SETD2: variants seen among roughly 807,000 people sequenced by gnomAD.
SETD2 encodes SET domain containing 2, histone lysine methyltransferase.
SETD2 carries 31 observed loss-of-function variants against 242.1 expected under a neutral mutation model. The ratio of observed to expected loss-of-function variants is 0.13; its 90% CI spans 0.10 to 0.17. The LOEUF is 0.17. Ranked by LOEUF, SETD2 falls within the 10% of genes least tolerant of loss-of-function variation. The pLI is 1.00. For synonymous variants in SETD2, 1,006 were observed against 1,066.5 expected (o/e 0.94, Z 1.11); for missense variants, 2,481 against 3,046.3 (o/e 0.81, Z 4.37).
intron 1 of SETD2, among the ~76,000 whole-genome samples, chr3:47,127,235 A>G (rs1181256160): frequency 2.6e-5 from 4 of 151,656 alleles, no homozygotes; most frequent in Admixed American, 2.6e-4. Context: ...GCGTGCACTT[A>G]TAGTCCCAGC....
chr3:47,151,074 T>C (rs1442989039), intron 1 of SETD2, among the ~76,000 whole-genome samples: 1 of 152,130 alleles, frequency 6.6e-6, no homozygotes, highest in Non-Finnish European at 1.5e-5. Context: ...TGTACTACCA[T>C]GTACCCAACT....
chr3:47,056,133 T>TATTTATTTA (rs1553683691), intron 15 of SETD2, among the ~76,000 whole-genome samples: 1 of 138,192 alleles, frequency 7.2e-6, no homozygotes, highest in African/African-American at 2.5e-5. Flanking sequence ...TTTATTTATT[T>TATTTATTTA]ATTTATTTTG....
intron 1 of SETD2, among the ~76,000 whole-genome samples, chr3:47,155,839 T>A (rs1374199275): frequency 6.6e-6 from 1 of 151,764 alleles, no homozygotes. Flanking sequence ...TTTGTTTTTG[T>A]TGTTTTTTTT....
chr3:47,065,002 T>G lies in SETD2; in HGVS notation c.6109+2068A>C, dbSNP rs376566828. 9.9e-5 allele frequency among the ~76,000 whole-genome samples: 15 copies of G among 152,200 alleles called. No homozygotes were observed. The East Asian group carries it at 2.1e-3, about 22-fold the overall frequency. ...ATGCAAAATATTTCTCCACAATAAT[T>G]TGCAAATATCTAGCCACACCAGACT... On this transcript the variant is annotated intron_variant, in intron 13 of 20. Transcript: ENST00000409792.
chr3:47,156,379 T>C (rs2044128212), intron 1 of SETD2, among the ~76,000 whole-genome samples: 1 of 152,214 alleles, frequency 6.6e-6, no homozygotes. Context: ...GTATGACTGA[T>C]AGATAATCTT....
intron 14 of SETD2, among the ~76,000 whole-genome samples, chr3:47,059,448 C>T (rs2040240857): frequency 6.8e-6 from 1 of 147,372 alleles, no homozygotes; most frequent in Admixed American, 6.8e-5. Flanking sequence ...GAGACGGAGT[C>T]TTGCTCTGTC....
In SETD2 at chr3:47,123,439, C is replaced by T. The variant is rs2106703853; in HGVS notation, c.1197G>A (p.Glu399=). ...YVSSRCRSER[E]RRRSRSHSRS... Reference sequence around the variant, plus strand: ...TAGAGTGAGATCTGCTCCGCCGTCGCTCTCTTTCTGATCTACATCGGGAAG... The same window carrying T: ...TAGAGTGAGATCTGCTCCGCCGTCGTTCTCTTTCTGATCTACATCGGGAAG... Residue 399 remains glutamate (E), a synonymous_variant, in exon 3 of 21, where the codon GAG becomes GAA. Coordinates refer to ENST00000409792, the MANE Select transcript of SETD2 (RefSeq NM_014159.7). 2.6e-6 allele frequency: 4 copies of T among 1,551,588 alleles called. No individual in the cohort carries two copies. Among genetic ancestry groups the T allele is most frequent in the Non-Finnish European group, 3.5e-6 (4 of 1,146,960 alleles).
chr3:47,111,382 T>C (rs978563880), intron 5 of SETD2, among the ~76,000 whole-genome samples: 5 of 148,866 alleles, frequency 3.4e-5, no homozygotes, highest in African/African-American at 1.2e-4. Flanking sequence ...CTAGGCAACA[T>C]AGTGAGGACC....
Position 47,017,796 on chromosome 3 carries a change from G to T in SETD2, c.7432-57C>A. 1 of 1,190,698 alleles carries T rather than the reference G, an allele frequency of 8.4e-7. No individual in the cohort carries two copies. Among genetic ancestry groups the T allele is most frequent in the Non-Finnish European group, 1.3e-6 (1 of 794,592 alleles). 73.8% of individuals were successfully genotyped at this position (1,190,698 alleles called of 1,614,324 possible). A position where few individuals can be genotyped will look rare whatever the true frequency, so the allele number is the denominator to read the frequency against. On this transcript the variant is annotated intron_variant, in intron 19 of 20. Transcript: ENST00000409792. The surrounding 1 kb of genome is among the most constrained non-coding windows in gnomAD (Gnocchi z 4.8). ...AACAGTCCAGAGAGGGCAAGGAGTTGTACTGAGGAAATAACTAGAAAAGGT... is the reference window on the plus strand; with the variant it reads ...AACAGTCCAGAGAGGGCAAGGAGTTTTACTGAGGAAATAACTAGAAAAGGT...
intron 12 of SETD2, among the ~76,000 whole-genome samples, chr3:47,069,860 AAAGT>A (rs1362504112): frequency 1.3e-5 from 2 of 152,208 alleles, no homozygotes; most frequent in Non-Finnish European, 2.9e-5. Flanking sequence ...TAGACAGGAA[AAAGT>A]AAGAACGCCA....
chr3:47,095,391 C>T (rs2107667775), intron 9 of SETD2, among the ~76,000 whole-genome samples: 1 of 152,334 alleles, frequency 6.6e-6, no homozygotes, highest in African/African-American at 2.4e-5. Flanking sequence ...GCCTCAGCCT[C>T]CCAAAGGGCT....
intron 8 of SETD2, among the ~76,000 whole-genome samples, chr3:47,099,417 G>A (rs1027863649): frequency 6.6e-6 from 1 of 152,104 alleles, no homozygotes; most frequent in Non-Finnish European, 1.5e-5. Context: ...TAATCAGAAA[G>A]TATCTTGCAT....
intron 18 of SETD2, among the ~76,000 whole-genome samples, chr3:47,030,536 T>G (rs180884129): frequency 7.9e-5 from 12 of 152,254 alleles, no homozygotes; most frequent in African/African-American, 2.6e-4. Flanking sequence ...ATTTCCATAT[T>G]TGATGAAAAC....
intron 1 of SETD2, among the ~76,000 whole-genome samples, chr3:47,134,410 T>A (rs1334088264): frequency 6.6e-6 from 1 of 152,166 alleles, no homozygotes; most frequent in Non-Finnish European, 1.5e-5. Context: ...AAAACTTTTA[T>A]CACAAAAGGT....
chr3:47,157,688 A>G, intron 1 of SETD2: 1 of 370,416 alleles, frequency 2.7e-6, no homozygotes, highest in Non-Finnish European at 5.3e-6. Context: ...AGCCTGACCA[A>G]CATGGAGAAA....
intron 8 of SETD2, among the ~76,000 whole-genome samples, chr3:47,100,433 A>G (rs975339250): frequency 6.7e-6 from 1 of 149,458 alleles, no homozygotes; most frequent in Non-Finnish European, 1.5e-5. Context: ...GCTAATTTTT[A>G]TATTTTTAGT....
intron 1 of SETD2, chr3:47,163,440 C>T (rs1697563559): frequency 6.6e-6 from 1 of 152,334 alleles, no homozygotes; most frequent in Admixed American, 6.5e-5. Flanking sequence ...TCACCGGCGC[C>T]CTCTTGCCGG....
At chr3:47,045,720 T>C (rs1455923108) in intron 16 of SETD2, among the ~76,000 whole-genome samples, 1 of 146,128 alleles carries the variant, frequency 6.8e-6, no homozygotes, top group African/African-American at 2.5e-5. Context: ...CAAAAATTCA[T>C]AGTAAAATAT....
intron 1 of SETD2, among the ~76,000 whole-genome samples, chr3:47,129,012 A>G (rs2043415852): frequency 6.6e-6 from 1 of 152,190 alleles, no homozygotes; most frequent in Non-Finnish European, 1.5e-5. Flanking sequence ...CAGCAGTTCT[A>G]TTTTGGACAG....
Sources: allele counts gnomAD v4.1 joint callset (sites outside exome capture counted in the v4.1 genomes callset), GRCh38; gene constraint gnomAD v4.1.1; non-coding constraint Gnocchi (gnomAD v3.1); transcripts MANE v1.5; gene names NCBI Gene and HGNC (gene_info 2026-07-23, HGNC 2026-07-21).